ANO5: variants seen among roughly 807,000 people sequenced by gnomAD.
ANO5 encodes the protein anoctamin 5.
ANO5 carries 109 observed loss-of-function variants against 121.0 expected under a neutral mutation model. The observed-to-expected ratio is 0.90, with a 90% CI of 0.77 to 1.06. ANO5 has a LOEUF of 1.06. ANO5 is among the 50% of genes least tolerant of loss of function. ANO5 has a pLI of 0.00. For synonymous variants in ANO5, 406 were observed against 359.9 expected (o/e 1.13, Z -1.45); for missense variants, 1,064 against 1,078.5 (o/e 0.99, Z 0.19).
At chr11:22,257,373 C>A (rs958874582) in intron 13 of ANO5, among the ~76,000 whole-genome samples, 2 of 152,190 alleles carry the variant, frequency 1.3e-5, no homozygotes, top group African/African-American at 4.8e-5. Context: ...ACCTAGGCAG[C>A]AACCTTCATT....
intron 17 of ANO5, 112 bp from the exon 18 acceptor site, chr11:22,270,200 C>T: frequency 1.4e-6 from 2 of 1,380,306 alleles, no homozygotes; most frequent in Non-Finnish European, 2.0e-6. Context: ...GCTCTGTGAT[C>T]TTAAGTTATT....
At chr11:22,203,388 A>G (rs1852020803) in intron 1 of ANO5, among the ~76,000 whole-genome samples, 1 of 152,074 alleles carries the variant, frequency 6.6e-6, no homozygotes, top group Admixed American at 6.5e-5. Context: ...GTAGTGTTCT[A>G]TATACAAGCT....
In ANO5 at chr11:22,208,917, A is replaced by C. The variant is rs779323655; in HGVS notation, c.88-2347A>C. Reference sequence around the variant, plus strand: ...AAAACAGGCTCTACACATTGCAGTCAATTTTTTTCACCCCATCTATGGGCA... The same window carrying C: ...AAAACAGGCTCTACACATTGCAGTCCATTTTTTTCACCCCATCTATGGGCA... On this transcript the variant is annotated intron_variant, in intron 2 of 21. Coordinates refer to ENST00000324559, the MANE Select transcript of ANO5 (RefSeq NM_213599.3). Among the ~76,000 whole-genome samples, 4 of 151,928 alleles carry C rather than the reference A, an allele frequency of 2.6e-5. 1 individual carries two copies. The highest frequency in any genetic ancestry group is 5.9e-5 in the Non-Finnish European group (4 of 67,894).
intron 5 of ANO5, 69 bp downstream of exon 5, chr11:22,221,279 G>C: frequency 7.7e-7 from 1 of 1,294,738 alleles, no homozygotes. Flanking sequence ...ATGGATATCT[G>C]GATTGAATTA....
chr11:22,227,602 C>T lies in ANO5; in HGVS notation c.648+16C>T, dbSNP rs1334735647. The T allele has an allele frequency of 1.2e-6, 2 of 1,612,310 alleles. No homozygotes were observed. The highest frequency in any genetic ancestry group is 1.7e-6 in the Non-Finnish European group (2 of 1,178,914). On this transcript the variant is annotated intron_variant, in intron 7 of 21. Transcript: ENST00000324559. The stretch of plus-strand genomic sequence containing the variant: ...AAACAGAATTGTAGGTAGAGAAGAC[C>T]TTTGGGCACATCCCTTCAAATACGA...
In ANO5 at chr11:22,242,196, G is replaced by A. The variant is rs570444831; in HGVS notation, c.878+2512G>A. ...CAGCTTTGTTGAAGACCAGATGGTG[G>A]GAGGTGTGCAGCTTCATTTCTGCTT... On this transcript the variant is annotated intron_variant, in intron 9 of 21. Coordinates refer to ENST00000324559, the MANE Select transcript of ANO5 (RefSeq NM_213599.3). Among the ~76,000 whole-genome samples, 3 of 152,180 alleles carry A rather than the reference G, an allele frequency of 2.0e-5. No individual in the cohort carries two copies. The South Asian group carries it at 6.2e-4, about 32-fold the overall frequency.
At chr11:22,212,694 T>C (rs951620271) in intron 3 of ANO5, among the ~76,000 whole-genome samples, 1 of 151,926 alleles carries the variant, frequency 6.6e-6, no homozygotes, top group Non-Finnish European at 1.5e-5. Context: ...TATCTTAGTA[T>C]CATTTAAAAT....
chr11:22,201,129 C>A (rs554091723), intron 1 of ANO5, among the ~76,000 whole-genome samples: 1 of 152,246 alleles, frequency 6.6e-6, no homozygotes, highest in East Asian at 1.9e-4. Flanking sequence ...TACCTCTTTG[C>A]ACAGTGCCTG....
At chr11:22,278,401 G>T (rs947052367) in intron 21 of ANO5, among the ~76,000 whole-genome samples, 1 of 151,584 alleles carries the variant, frequency 6.6e-6, no homozygotes, top group African/African-American at 2.4e-5. Flanking sequence ...CTCTGGAACT[G>T]CTGTTATTCA....
At chr11:22,220,316 A>G (rs775208431) in intron 4 of ANO5, among the ~76,000 whole-genome samples, 1 of 152,038 alleles carries the variant, frequency 6.6e-6, no homozygotes, top group Non-Finnish European at 1.5e-5. Context: ...TAAGTATTAG[A>G]TATAAACTTT....
intron 4 of ANO5, among the ~76,000 whole-genome samples, chr11:22,220,694 T>C (rs1258811346): frequency 6.6e-6 from 1 of 152,022 alleles, no homozygotes; most frequent in Non-Finnish European, 1.5e-5. Context: ...TATTTTCTTA[T>C]AGTGAGACTC....
chr11:22,193,497 G>C lies in ANO5; in HGVS notation c.5G>C (p.Gly2Ala), dbSNP rs768320409. Residue 2 changes from glycine to alanine, a missense_variant, in exon 1 of 22, where the codon GGC becomes GCC. Coordinates refer to ENST00000324559, the MANE Select transcript of ANO5 (RefSeq NM_213599.3). The stretch of plus-strand genomic sequence containing the variant: ...GCCATTAACGAGCTGGCGAAGATGG[G>C]CGACCCGGATCTCCTGGAAGTGTTG... M[G>A]DPDLLEVLAE... 3 of 1,612,922 alleles carry C rather than the reference G, an allele frequency of 1.9e-6. No individual in the cohort carries two copies. Among genetic ancestry groups the C allele is most frequent in the Non-Finnish European group, 1.7e-6 (2 of 1,179,728 alleles).
At chr11:22,236,587 T>G (rs1170059919) in intron 8 of ANO5, among the ~76,000 whole-genome samples, 1 of 152,214 alleles carries the variant, frequency 6.6e-6, no homozygotes, top group Non-Finnish European at 1.5e-5. Flanking sequence ...TTTGGAAATT[T>G]CTATCTGAGT....
intron 17 of ANO5, among the ~76,000 whole-genome samples, chr11:22,266,687 T>C (rs76739246): frequency 0.016 from 2,505 of 152,308 alleles, 68 homozygotes; most frequent in African/African-American, 0.057. Context: ...TTTTTGGTTA[T>C]ATATGTTGAA....
chr11:22,211,198 T>G, intron 2 of ANO5, 66 bp from the exon 3 acceptor site: 1 of 1,553,024 alleles, frequency 6.4e-7, no homozygotes, highest in Non-Finnish European at 8.9e-7. Flanking sequence ...TACTGAAACT[T>G]AAAAGCACCC....
intron 17 of ANO5, among the ~76,000 whole-genome samples, chr11:22,269,225 AAAGG>A (rs1013367963): frequency 1.5e-4 from 19 of 125,954 alleles, no homozygotes; most frequent in East Asian, 4.4e-4. Flanking sequence ...AGGAAAGAAG[AAAGG>A]AAGGAAGGAA....
intron 17 of ANO5, 101 bp from the exon 18 acceptor site, chr11:22,270,211 T>C: frequency 7.0e-7 from 1 of 1,436,680 alleles, no homozygotes; most frequent in East Asian, 2.4e-5. Context: ...TTAAGTTATT[T>C]AATCTCTAAT....
chr11:22,213,768 T>A (rs567227819), intron 3 of ANO5, among the ~76,000 whole-genome samples: 2 of 152,176 alleles, frequency 1.3e-5, no homozygotes, highest in South Asian at 4.1e-4. Flanking sequence ...AGATCTTTCT[T>A]CCTTTCTTTT....
chr11:22,236,917 T>C (rs917103137), intron 8 of ANO5, among the ~76,000 whole-genome samples: 3 of 152,310 alleles, frequency 2.0e-5, no homozygotes, highest in East Asian at 1.9e-4. Context: ...ATAAGTTTAA[T>C]AGAGAAGTGA....
Sources: allele counts gnomAD v4.1 joint callset (sites outside exome capture counted in the v4.1 genomes callset), GRCh38; gene constraint gnomAD v4.1.1; transcripts MANE v1.5; gene names NCBI Gene and HGNC (gene_info 2026-07-23, HGNC 2026-07-21).